The following NDST4 variants were observed in gnomAD, a reference collection of about 807,000 sequenced individuals.
The protein encoded by NDST4 is N-deacetylase and N-sulfotransferase 4, also known as N-heparan sulfate sulfotransferase 4.
NDST4 carries 63 observed loss-of-function variants against 100.8 expected under a neutral mutation model. That is an observed-to-expected ratio of 0.62 (90% CI 0.51 to 0.77). The LOEUF is 0.77. NDST4 is among the 30% of genes least tolerant of loss of function. NDST4 has a pLI of 0.00. For missense variants in NDST4, 943 were observed against 1,018.4 expected (o/e 0.93, Z 1.01); for synonymous variants, 377 against 361.8 (o/e 1.04, Z -0.48).
chr4:114,949,916 T>G (rs150964728), intron 4 of NDST4, among the ~76,000 whole-genome samples: 2 of 152,076 alleles, frequency 1.3e-5, no homozygotes, highest in Non-Finnish European at 2.9e-5. Context: ...AACGAGAAAG[T>G]AAAAATAAGG....
chr4:114,955,943 G>A (rs1319100692), intron 4 of NDST4: 3 of 152,190 alleles, frequency 2.0e-5, no homozygotes, highest in African/African-American at 2.4e-5. Flanking sequence ...GGAAATGGCA[G>A]TCCACGGCAT....
intron 1 of NDST4, among the ~76,000 whole-genome samples, chr4:115,111,482 G>A (rs1323839649): frequency 2.6e-5 from 4 of 151,424 alleles, no homozygotes; most frequent in East Asian, 1.9e-4. Flanking sequence ...TCCTTTTGAT[G>A]TTTAGGATAA....
intron 7 of NDST4, among the ~76,000 whole-genome samples, chr4:114,857,877 A>T (rs889554147): frequency 4.6e-5 from 7 of 152,196 alleles, no homozygotes; most frequent in African/African-American, 1.7e-4. Context: ...GGATGGACCT[A>T]TGATAGTGTC....
chr4:114,888,683 T>C (rs1334644671), intron 6 of NDST4, among the ~76,000 whole-genome samples: 1 of 152,188 alleles, frequency 6.6e-6, no homozygotes, highest in African/African-American at 2.4e-5. Context: ...TCCTTGTTAA[T>C]CCATAAGTTA....
chr4:114,983,930 G>A (rs536980017), intron 2 of NDST4, among the ~76,000 whole-genome samples: 11 of 152,102 alleles, frequency 7.2e-5, no homozygotes, highest in Non-Finnish European at 1.5e-4. Context: ...AGATCTGGTT[G>A]TTTAAAAGTG....
intron 7 of NDST4, among the ~76,000 whole-genome samples, chr4:114,853,270 G>T (rs1723719218): frequency 6.6e-6 from 1 of 151,820 alleles, no homozygotes; most frequent in African/African-American, 2.4e-5. Context: ...TTCATGTTTT[G>T]ATTCAAATAT....
chr4:114,984,055 A>G (rs1726841766), intron 2 of NDST4, among the ~76,000 whole-genome samples: 1 of 152,182 alleles, frequency 6.6e-6, no homozygotes, highest in African/African-American at 2.4e-5. Context: ...CTTCCCAGCC[A>G]TGTAGAACTG....
chr4:115,013,249 G>T (rs1158089869), intron 2 of NDST4, among the ~76,000 whole-genome samples: 1 of 149,608 alleles, frequency 6.7e-6, no homozygotes, highest in African/African-American at 2.4e-5. Flanking sequence ...ATTTACAAAT[G>T]CTTGAGGTGA....
chr4:114,917,897 G>A (rs1476954404), intron 6 of NDST4, among the ~76,000 whole-genome samples: 1 of 152,058 alleles, frequency 6.6e-6, no homozygotes, highest in Non-Finnish European at 1.5e-5. Context: ...GAAAGCATTT[G>A]GAAGATTAAA....
At chr4:115,098,151 G>T (rs1280144284) in intron 1 of NDST4, among the ~76,000 whole-genome samples, 1 of 152,098 alleles carries the variant, frequency 6.6e-6, no homozygotes, top group Non-Finnish European at 1.5e-5. Context: ...ACTCTTTGAA[G>T]CTGGAATATT....
chr4:114,836,608 C>A (rs1343352080), intron 11 of NDST4, among the ~76,000 whole-genome samples: 6 of 152,074 alleles, frequency 3.9e-5, no homozygotes, highest in Non-Finnish European at 8.8e-5. Flanking sequence ...GGTTGGTCTT[C>A]TCATGGAGTA....
intron 6 of NDST4, 128 bp downstream of exon 6, chr4:114,935,078 T>G: frequency 1.4e-6 from 1 of 712,140 alleles, no homozygotes; most frequent in Non-Finnish European, 2.0e-6. Context: ...TAATATAGAT[T>G]TAAATGCATG....
In NDST4 at chr4:114,963,505, T is replaced by C. The variant is rs72617777; in HGVS notation, c.1221+6925A>G. On this transcript the variant is annotated intron_variant, in intron 4 of 13. Transcript: ENST00000264363. Reference sequence around the variant, plus strand: ...GATGAAAATGTTCTAAAATTATGATTAGTTTGCACAGATCTGTGAATACAC... The same window carrying C: ...GATGAAAATGTTCTAAAATTATGATCAGTTTGCACAGATCTGTGAATACAC... Among the ~76,000 whole-genome samples the C allele has an allele frequency of 2.0e-3, 312 of 152,278 alleles. 2 individuals are homozygous for C. In the East Asian group the frequency reaches 0.048, roughly 23 times the overall value.
At chr4:115,075,845 T>A (rs1240908078) in intron 2 of NDST4, among the ~76,000 whole-genome samples, 1 of 150,656 alleles carries the variant, frequency 6.6e-6, no homozygotes, top group Non-Finnish European at 1.5e-5. Flanking sequence ...GATATTTTAA[T>A]ATTTTAGCTC....
chr4:115,021,499 ACGTTC>A (rs1241342846), intron 2 of NDST4, among the ~76,000 whole-genome samples: 5 of 145,580 alleles, frequency 3.4e-5, no homozygotes, highest in Middle Eastern at 3.7e-3. Flanking sequence ...ATATATACAC[ACGTTC>A]CACATATACA....
At chr4:114,950,823 G>A (rs934937196) in intron 4 of NDST4, among the ~76,000 whole-genome samples, 2 of 151,662 alleles carry the variant, frequency 1.3e-5, no homozygotes, top group Non-Finnish European at 2.9e-5. Context: ...TAACAAACAA[G>A]TGTCTCTTTT....
intron 1 of NDST4, among the ~76,000 whole-genome samples, chr4:115,084,199 T>C (rs1016217953): frequency 6.6e-6 from 1 of 152,228 alleles, no homozygotes; most frequent in Non-Finnish European, 1.5e-5. Context: ...AAGGGGATTC[T>C]TGCTATGCTT....
intron 2 of NDST4, among the ~76,000 whole-genome samples, chr4:115,023,870 A>C (rs1269689462): frequency 6.6e-6 from 1 of 152,042 alleles, no homozygotes; most frequent in African/African-American, 2.4e-5. Flanking sequence ...TTGGAGATGA[A>C]CCCAGGGCAC....
intron 6 of NDST4, among the ~76,000 whole-genome samples, chr4:114,892,405 C>A (rs1724617378): frequency 6.6e-6 from 1 of 152,034 alleles, no homozygotes; most frequent in African/African-American, 2.4e-5. Flanking sequence ...TTTCTATTAG[C>A]CGTAGTATCT....
Sources: allele counts gnomAD v4.1 joint callset (sites outside exome capture counted in the v4.1 genomes callset), GRCh38; gene constraint gnomAD v4.1.1; transcripts MANE v1.5; gene names NCBI Gene and HGNC (gene_info 2026-07-23, HGNC 2026-07-21).